COL11A1: variants seen among roughly 807,000 people sequenced by gnomAD.
COL11A1 encodes the protein collagen type XI alpha 1 chain.
In COL11A1, 74 loss-of-function variants were observed where a neutral mutation model predicts 265.2. The ratio of observed to expected loss-of-function variants is 0.28; its 90% CI spans 0.23 to 0.34. The LOEUF (loss-of-function observed/expected upper bound fraction) is 0.34, where lower values mean the gene tolerates loss of function less well. Ranked by LOEUF, COL11A1 falls within the 10% of genes least tolerant of loss-of-function variation. The pLI is 1.00. For synonymous variants in COL11A1, 816 were observed against 727.6 expected, an observed-to-expected ratio of 1.12 and a Z score of -1.96; for missense variants, 2,165 against 2,263.6, an observed-to-expected ratio of 0.96 and a Z score of 0.88.
intron 4 of COL11A1, among the ~76,000 whole-genome samples, chr1:103,052,221 C>T (rs1457796276): frequency 2.0e-5 from 3 of 152,026 alleles, no homozygotes; most frequent in Admixed American, 2.0e-4. Flanking sequence ...TCAGATTCTT[C>T]CAATTCTAAA....
chr1:102,884,628 C>T (rs1184408674), intron 63 of COL11A1: 1 of 152,254 alleles, frequency 6.6e-6, no homozygotes, highest in African/African-American at 2.4e-5. Context: ...ATGCGCACAG[C>T]TCCAGGAAAC....
chr1:102,952,899 C>G (rs1318150477), intron 41 of COL11A1, among the ~76,000 whole-genome samples: 3 of 152,016 alleles, frequency 2.0e-5, no homozygotes, highest in African/African-American at 7.2e-5. Flanking sequence ...ATTTTTTAAG[C>G]AAAAATTTAA....
At chr1:102,912,355 G>C (rs1654791471) in intron 53 of COL11A1, 143 bp from the exon 54 acceptor site, 2 of 646,412 alleles carry the variant, frequency 3.1e-6, no homozygotes, top group South Asian at 4.3e-5. Context: ...CCCTATTTCA[G>C]ATACCTAAAC....
rs75164834 is a variant in COL11A1 at position 102,998,930 on chromosome 1, G to A, written c.2143-567C>T. Among the ~76,000 whole-genome samples, 97 of 152,026 alleles carry A rather than the reference G, an allele frequency of 6.4e-4. 1 individual carries two copies. The highest frequency in any genetic ancestry group is 1.1e-3 in the Non-Finnish European group (75 of 67,856). On this transcript the variant is annotated intron_variant, in intron 24 of 66. Transcript: ENST00000370096. ...ATAATAATAAAGTAATAATTCAACA[G>A]ATTAATCCCTGTTTAACCACACAGA...
intron 35 of COL11A1, among the ~76,000 whole-genome samples, chr1:102,977,012 G>C (rs1174272658): frequency 2.0e-5 from 3 of 152,068 alleles, no homozygotes; most frequent in Non-Finnish European, 4.4e-5. Flanking sequence ...ATATATGCAT[G>C]CCATGTATAA....
intron 12 of COL11A1, 35 bp downstream of exon 12, chr1:103,015,633 A>G: frequency 2.6e-5 from 28 of 1,068,900 alleles, no homozygotes; most frequent in Non-Finnish European, 3.7e-5. Flanking sequence ...ATGACAAGAT[A>G]TCAAGTCATC....
chr1:102,953,834 G>A (rs1198924926), intron 41 of COL11A1, among the ~76,000 whole-genome samples: 1 of 152,066 alleles, frequency 6.6e-6, no homozygotes, highest in African/African-American at 2.4e-5. Flanking sequence ...TTAACTATTT[G>A]TATACTTGTC....
chr1:103,081,944 T>C (rs1374411519), intron 2 of COL11A1, among the ~76,000 whole-genome samples: 4 of 151,932 alleles, frequency 2.6e-5, no homozygotes, highest in Non-Finnish European at 4.4e-5. Flanking sequence ...TAAATAAGGA[T>C]GAGAACACCC....
rs759403953 is a variant in COL11A1 at position 102,888,848 on chromosome 1, AT to A, written c.4518+17del. ...TAACTTAACCCTACCTTATAAGGTT[AT>A]TTTGTCTTGTACTTACTGGTAAACC... On this transcript the variant is annotated intron_variant, in intron 60 of 66. Transcript: ENST00000370096. 4 of 1,612,300 alleles carry A rather than the reference AT, an allele frequency of 2.5e-6. No homozygotes were observed. The highest frequency in any genetic ancestry group is 8.5e-7 in the Non-Finnish European group (1 of 1,178,362).
In COL11A1 at chr1:103,101,752, A is replaced by AT. The variant is rs1341935201; in HGVS notation, c.106+6320_106+6321insA. On this transcript the variant is annotated intron_variant, in intron 1 of 66. Coordinates refer to ENST00000370096, the MANE Select transcript of COL11A1 (RefSeq NM_001854.4). ...GAAATGCTTTTTAAGAAAAAAAAAA[A>AT]AGAAGATTTGAGGGGATTGCAAAAG... 3.3e-5 allele frequency among the ~76,000 whole-genome samples: 5 copies of AT among 151,920 alleles called. No individual in the cohort carries two copies. In the South Asian group the frequency reaches 1.0e-3, roughly 32 times the overall value.
At chr1:103,047,874 T>A (rs932277520) in intron 4 of COL11A1, among the ~76,000 whole-genome samples, 3 of 152,200 alleles carry the variant, frequency 2.0e-5, no homozygotes, top group Admixed American at 1.3e-4. Context: ...GTAGTTTTTG[T>A]CTTTGATTCT....
chr1:102,939,307 C>G (rs970240004), intron 43 of COL11A1, among the ~76,000 whole-genome samples: 8 of 152,146 alleles, frequency 5.3e-5, no homozygotes, highest in African/African-American at 1.9e-4. Flanking sequence ...TATACTACAA[C>G]TGAATTTATA....
intron 54 of COL11A1, among the ~76,000 whole-genome samples, chr1:102,905,644 T>G (rs1653891682): frequency 6.6e-6 from 1 of 152,128 alleles, no homozygotes; most frequent in Non-Finnish European, 1.5e-5. Flanking sequence ...AAATCCATTT[T>G]ATTAAAATAT....
In COL11A1 at chr1:103,012,956, G is replaced by A. The variant is rs540670581; in HGVS notation, c.1573-487C>T. Among the ~76,000 whole-genome samples the A allele has an allele frequency of 3.4e-4, 51 of 152,144 alleles. No homozygotes were observed. The South Asian group carries it at 0.011, about 32-fold the overall frequency. The stretch of plus-strand genomic sequence containing the variant: ...AATATGTGCCTTTTAACAAATCTCA[G>A]ATATAATGCTATAGAGAAGAATGTT... On this transcript the variant is annotated intron_variant, in intron 13 of 66. Transcript: ENST00000370096.
chr1:103,106,521 C>G (rs1190738958), intron 1 of COL11A1, among the ~76,000 whole-genome samples: 2 of 152,166 alleles, frequency 1.3e-5, no homozygotes, highest in African/African-American at 4.8e-5. Flanking sequence ...GAGGGCAGAA[C>G]TGCTGACAGA....
intron 1 of COL11A1, among the ~76,000 whole-genome samples, chr1:103,100,959 T>C (rs1310797524): frequency 6.6e-6 from 1 of 152,018 alleles, no homozygotes; most frequent in Non-Finnish European, 1.5e-5. Context: ...CAGAACCTTG[T>C]ACATACTGAG....
intron 1 of COL11A1, among the ~76,000 whole-genome samples, chr1:103,084,912 TAA>T (rs1252519398): frequency 6.6e-6 from 1 of 152,136 alleles, no homozygotes; most frequent in Non-Finnish European, 1.5e-5. Flanking sequence ...AACTTCTAAA[TAA>T]AGACTGAAAA....
intron 37 of COL11A1, among the ~76,000 whole-genome samples, chr1:102,966,238 A>G (rs942202712): frequency 6.6e-6 from 1 of 152,204 alleles, no homozygotes; most frequent in African/African-American, 2.4e-5. Context: ...GAATATAGGT[A>G]AATTTCTTAC....
chr1:102,888,006 C>T (rs1175947830), intron 62 of COL11A1, among the ~76,000 whole-genome samples: 2 of 152,006 alleles, frequency 1.3e-5, no homozygotes, highest in South Asian at 2.1e-4. Flanking sequence ...TTTGAGCCAC[C>T]GACTCTGTGG....
Sources: gnomAD v4.1 joint callset for allele counts (sites outside exome capture counted in the v4.1 genomes callset) on GRCh38, gnomAD v4.1.1 for gene constraint, MANE v1.5 for transcripts, NCBI Gene and HGNC (gene_info 2026-07-23, HGNC 2026-07-21) for gene names.